ASIC2: variants seen among roughly 807,000 people sequenced by gnomAD.
ASIC2 encodes acid-sensing ion channel 2.
A neutral mutation model predicts 57.3 loss-of-function variants in ASIC2; 25 were observed. That is an observed-to-expected ratio of 0.44 (90% CI 0.32 to 0.61). The LOEUF is 0.61. Among genes scored for constraint, ASIC2 ranks in the 20% least tolerant of loss-of-function variants. The pLI, the probability that ASIC2 is intolerant of heterozygous loss-of-function variation, is 0.06. For missense variants in ASIC2, 641 were observed against 738.1 expected (o/e 0.87, Z 1.52); for synonymous variants, 319 against 307.5 (o/e 1.04, Z -0.39).
intron 1 of ASIC2, among the ~76,000 whole-genome samples, chr17:33,714,422 A>G (rs1312780224): frequency 1.3e-5 from 2 of 152,248 alleles, no homozygotes; most frequent in African/African-American, 4.8e-5. Context: ...TTATACAGCA[A>G]TTAAACAGAC....
At chr17:33,749,376 A>C (rs552407887) in intron 1 of ASIC2, among the ~76,000 whole-genome samples, 1 of 152,008 alleles carries the variant, frequency 6.6e-6, no homozygotes, top group East Asian at 1.9e-4. Context: ...TCTGTGGAGC[A>C]CAGGAGTGCT....
intron 3 of ASIC2, among the ~76,000 whole-genome samples, chr17:33,053,285 G>T (rs1431504456): frequency 6.6e-6 from 1 of 152,192 alleles, no homozygotes; most frequent in Non-Finnish European, 1.5e-5. Flanking sequence ...TAACTACATA[G>T]CACATTGCAA....
chr17:33,441,112 C>T (rs944517685), intron 1 of ASIC2, among the ~76,000 whole-genome samples: 2 of 151,960 alleles, frequency 1.3e-5, no homozygotes, highest in African/African-American at 4.8e-5. Flanking sequence ...GGGACTACAA[C>T]CATGTGCTAC....
intron 1 of ASIC2, chr17:33,581,502 C>A (rs4583295): frequency 0.94 from 142,616 of 152,290 alleles, 66,877 homozygotes; most frequent in East Asian, 1. Context: ...TGAACAAAGA[C>A]TTGGACAAAA....
intron 1 of ASIC2, among the ~76,000 whole-genome samples, chr17:33,568,811 A>G (rs1370887632): frequency 6.6e-6 from 1 of 152,184 alleles, no homozygotes; most frequent in African/African-American, 2.4e-5. Flanking sequence ...CAATAAATCA[A>G]TGGCCATATG....
Position 34,040,958 on chromosome 17 carries a change from G to C in ASIC2, c.555+115020C>G, listed in dbSNP as rs1285643807. Among the ~76,000 whole-genome samples the C allele has an allele frequency of 3.5e-5, 4 of 115,348 alleles. No homozygotes were observed. The East Asian group carries it at 8.6e-4, about 25-fold the overall frequency. 75.7% of individuals were successfully genotyped at this position (115,348 alleles called of 152,430 possible). On this transcript the variant is annotated intron_variant, in intron 1 of 9. Transcript: ENST00000359872. ...TGGAACAGAGTATCAGGGAGATTAA[G>C]TAATTTGCACAGGGACACACAACCA...
At chr17:33,896,593 A>G (rs954204391) in intron 1 of ASIC2, among the ~76,000 whole-genome samples, 2 of 152,214 alleles carry the variant, frequency 1.3e-5, no homozygotes, top group African/African-American at 4.8e-5. Context: ...CATTAGCCCA[A>G]TGGCCTGGCT....
At chr17:34,095,386 C>G (rs566421580) in intron 1 of ASIC2, among the ~76,000 whole-genome samples, 1 of 152,046 alleles carries the variant, frequency 6.6e-6, no homozygotes, top group South Asian at 2.1e-4. Context: ...CTGGTGGCTA[C>G]AATATGAAAG....
chr17:33,831,815 G>A (rs1234346367), intron 1 of ASIC2, among the ~76,000 whole-genome samples: 1 of 152,128 alleles, frequency 6.6e-6, no homozygotes, highest in African/African-American at 2.4e-5. Flanking sequence ...GAGCAAAAAG[G>A]CCCAGAAACA....
chr17:33,606,167 C>G (rs1905228266), intron 1 of ASIC2, among the ~76,000 whole-genome samples: 1 of 152,138 alleles, frequency 6.6e-6, no homozygotes, highest in South Asian at 2.1e-4. Flanking sequence ...GACAGCGGAC[C>G]CAGGGGCCAG....
rs1470999073 is a variant in ASIC2, at chr17:33,945,450, A to T, written c.555+210528T>A. ...AGCAGAAAATAAGTTTGGAGCCAGGAAAATGGTACTAGACGACAAATACAA... is the reference window on the plus strand; with the variant it reads ...AGCAGAAAATAAGTTTGGAGCCAGGTAAATGGTACTAGACGACAAATACAA... On this transcript the variant is annotated intron_variant, in intron 1 of 9. Coordinates refer to the ASIC2 transcript ENST00000359872. Among the ~76,000 whole-genome samples the T allele has an allele frequency of 2.0e-5, 3 of 152,192 alleles. No individual in the cohort carries two copies. The East Asian group carries it at 5.8e-4, about 29-fold the overall frequency.
intron 1 of ASIC2, among the ~76,000 whole-genome samples, chr17:33,962,479 A>G (rs1430094997): frequency 6.6e-6 from 1 of 152,240 alleles, no homozygotes; most frequent in Non-Finnish European, 1.5e-5. Context: ...TTCATCCCAG[A>G]GCCACAGTGA....
chr17:33,585,773 A>T (rs1432043017), intron 1 of ASIC2, among the ~76,000 whole-genome samples: 1 of 152,178 alleles, frequency 6.6e-6, no homozygotes, highest in Non-Finnish European at 1.5e-5. Context: ...TCTGCCCGCT[A>T]GTCTCGATGT....
intron 1 of ASIC2, among the ~76,000 whole-genome samples, chr17:33,415,331 A>C (rs369012474): frequency 4.6e-5 from 7 of 152,134 alleles, no homozygotes; most frequent in African/African-American, 1.4e-4. Context: ...ATATACTCTA[A>C]ATTATCTCTA....
chr17:33,076,136 G>A (rs1450930146), intron 3 of ASIC2, among the ~76,000 whole-genome samples: 1 of 151,932 alleles, frequency 6.6e-6, no homozygotes. Context: ...TCTAATCCCA[G>A]GTAATTTAAA....
At chr17:33,394,653 C>T (rs1451948511) in intron 1 of ASIC2, among the ~76,000 whole-genome samples, 1 of 152,046 alleles carries the variant, frequency 6.6e-6, no homozygotes, top group African/African-American at 2.4e-5. Flanking sequence ...AGTGAGGCAC[C>T]CAGGGAGGCA....
intron 1 of ASIC2, among the ~76,000 whole-genome samples, chr17:33,726,243 C>T (rs999933048): frequency 1.3e-5 from 2 of 152,114 alleles, no homozygotes; most frequent in African/African-American, 4.8e-5. Flanking sequence ...CCCAGGGGTC[C>T]TAGCATCCCA....
intron 1 of ASIC2, among the ~76,000 whole-genome samples, chr17:33,755,898 G>T (rs954791005): frequency 3.3e-5 from 5 of 152,310 alleles, no homozygotes; most frequent in Non-Finnish European, 4.4e-5. Flanking sequence ...GGCAGAGAGG[G>T]CCCCTGTGAT....
rs556741614 is a variant in ASIC2 at position 33,764,723 on chromosome 17, T to C, written c.555+391255A>G. ...TTCATTCTTGAGGGTACAGCCCTTA[T>C]GGTCCAATCACATGTTAAAGGCCCC... On this transcript the variant is annotated intron_variant, in intron 1 of 9. Coordinates refer to the ASIC2 transcript ENST00000359872. 2.6e-5 allele frequency among the ~76,000 whole-genome samples: 4 copies of C among 152,320 alleles called. No individual in the cohort carries two copies. The South Asian group carries it at 8.3e-4, about 32-fold the overall frequency.
Sources: allele counts gnomAD v4.1 joint callset (sites outside exome capture counted in the v4.1 genomes callset), GRCh38; gene constraint gnomAD v4.1.1; transcripts MANE v1.5; gene names NCBI Gene and HGNC (gene_info 2026-07-23, HGNC 2026-07-21).